Variants in FKBP5 observed in about 807,000 individuals in gnomAD.
FKBP5 encodes the protein peptidyl-prolyl cis-trans isomerase FKBP5.
Under a neutral mutation model 50.5 loss-of-function variants are expected in FKBP5, and 23 were observed. That is an observed-to-expected ratio of 0.46 (90% CI 0.33 to 0.65). The LOEUF is 0.65. FKBP5 is among the 30% of genes least tolerant of loss of function. The pLI, the probability that FKBP5 is intolerant of heterozygous loss-of-function variation, is 0.02. For synonymous variants in FKBP5, 176 were observed against 190.6 expected (o/e 0.92, Z 0.63); for missense variants, 411 against 553.1 (o/e 0.74, Z 2.58).
At chr6:35,637,252 G>T in intron 2 of FKBP5, 94 bp from the exon 3 acceptor site, 1 of 1,055,428 alleles carries the variant, frequency 9.5e-7, no homozygotes, top group Non-Finnish European at 1.4e-6. Context: ...AGACATCCAG[G>T]CAGATATGCA....
intron 3 of FKBP5, among the ~76,000 whole-genome samples, chr6:35,633,042 A>G (rs181677967): frequency 6.6e-6 from 1 of 152,298 alleles, no homozygotes; most frequent in East Asian, 1.9e-4. Flanking sequence ...ATTTTTACAG[A>G]TAGGCTCTTA....
chr6:35,590,991 A>T (rs1762803557), intron 7 of FKBP5, 139 bp downstream of exon 7: 1 of 518,674 alleles, frequency 1.9e-6, no homozygotes, highest in Non-Finnish European at 3.5e-6. Flanking sequence ...CTTCAGCAGC[A>T]GTGTTGGAGG....
chr6:35,612,416 GATCTTTTTC>G (rs1270074655), intron 5 of FKBP5, among the ~76,000 whole-genome samples: 1 of 152,004 alleles, frequency 6.6e-6, no homozygotes, highest in African/African-American at 2.4e-5. Flanking sequence ...AGGAGTCAAG[GATCTTTTTC>G]CTTAGATCAA....
chr6:35,611,601 C>T (rs1420659161), intron 5 of FKBP5, among the ~76,000 whole-genome samples: 1 of 152,104 alleles, frequency 6.6e-6, no homozygotes, highest in Non-Finnish European at 1.5e-5. Context: ...GTAGCCAAGA[C>T]CTGCAATTAA....
intron 3 of FKBP5, among the ~76,000 whole-genome samples, chr6:35,621,554 G>T (rs1426184599): frequency 6.6e-6 from 1 of 150,544 alleles, no homozygotes; most frequent in Non-Finnish European, 1.5e-5. Context: ...GGAGGCGGAG[G>T]TTGCAGTGAG....
intron 2 of FKBP5, among the ~76,000 whole-genome samples, chr6:35,696,358 A>G (rs1766081144): frequency 1.3e-5 from 2 of 151,224 alleles, no homozygotes; most frequent in African/African-American, 4.9e-5. Context: ...TGGCTCTACA[A>G]AAAATTAGCC....
At chr6:35,589,128 A>ATATATATTTT (rs1427010607) in intron 7 of FKBP5, among the ~76,000 whole-genome samples, 1 of 121,560 alleles carries the variant, frequency 8.2e-6, no homozygotes, top group African/African-American at 3.2e-5. Context: ...ATATATATAT[A>ATATATATTTT]TTTTTTTTTT....
chr6:35,677,516 T>C (rs1002927488), intron 1 of FKBP5, among the ~76,000 whole-genome samples: 23 of 152,202 alleles, frequency 1.5e-4, no homozygotes, highest in African/African-American at 5.1e-4. Context: ...ATGTGTTATA[T>C]ATACTCGGTT....
intron 2 of FKBP5, among the ~76,000 whole-genome samples, chr6:35,715,396 AG>A (rs1181303073): frequency 6.6e-6 from 1 of 152,202 alleles, no homozygotes; most frequent in African/African-American, 2.4e-5. Context: ...GGTTGTTATG[AG>A]GCTTAAACAA....
At chr6:35,715,994 G>A (rs1381042135) in intron 2 of FKBP5, among the ~76,000 whole-genome samples, 2 of 152,154 alleles carry the variant, frequency 1.3e-5, no homozygotes, top group East Asian at 1.9e-4. Context: ...TAACCCATGC[G>A]ATATGAGGAC....
intron 1 of FKBP5, among the ~76,000 whole-genome samples, chr6:35,659,017 G>A (rs1306001936): frequency 1.2e-5 from 1 of 83,820 alleles, no homozygotes; most frequent in African/African-American, 3.7e-5. Flanking sequence ...GTTGCAGTGA[G>A]CCATGATCAC....
chr6:35,584,533 C>A, intron 8 of FKBP5: 1 of 985,494 alleles, frequency 1.0e-6, no homozygotes. Context: ...GGCAGTATGG[C>A]AGATTGAAAC....
intron 5 of FKBP5, among the ~76,000 whole-genome samples, chr6:35,613,927 G>A (rs1763569454): frequency 6.6e-6 from 1 of 151,948 alleles, no homozygotes; most frequent in South Asian, 2.1e-4. Flanking sequence ...ACAGAGCCTT[G>A]TTCTGTTGCC....
In FKBP5 at chr6:35,577,139, A is replaced by G; in HGVS notation, c.1121T>C (p.Phe374Ser). ...GGGGTTTACTTCCAGCACTTTCTCA[A>G]AGTCACCCTTGGCTGACTCAAACTC... ...MNEFESAKGDFEKVLEVNPQN... is the reference protein window; with the variant it reads ...MNEFESAKGDSEKVLEVNPQN... Residue 374 changes from phenylalanine to serine, a missense_variant, in exon 10 of 11, where the codon TTT becomes TCT. Transcript: ENST00000357266. The G allele has an allele frequency of 6.2e-7, 1 of 1,614,012 alleles. No homozygotes were observed. The highest frequency in any genetic ancestry group is 8.5e-7 in the Non-Finnish European group (1 of 1,179,978).
At chr6:35,663,084 C>T (rs1226533038) in intron 1 of FKBP5, among the ~76,000 whole-genome samples, 2 of 152,116 alleles carry the variant, frequency 1.3e-5, no homozygotes, top group Non-Finnish European at 2.9e-5. Context: ...GAACACAGCA[C>T]GTTTCAAGCC....
chr6:35,692,375 G>A (rs1448079437), upstream of FKBP5, among the ~76,000 whole-genome samples: 1 of 152,154 alleles, frequency 6.6e-6, no homozygotes, highest in East Asian at 1.9e-4. Flanking sequence ...TCTCCAGGTG[G>A]CACAGCTAGG....
At chr6:35,712,051 A>G (rs2151022088) in intron 2 of FKBP5, among the ~76,000 whole-genome samples, 1 of 150,666 alleles carries the variant, frequency 6.6e-6, no homozygotes, top group Non-Finnish European at 1.5e-5. Flanking sequence ...TTAAAAAAAA[A>G]AAAAAAAAAG....
At chr6:35,713,077 TAAAAAAAAAAAAAAA>T (rs34258638) in intron 2 of FKBP5, among the ~76,000 whole-genome samples, 1 of 52,948 alleles carries the variant, frequency 1.9e-5, no homozygotes, top group Admixed American at 2.7e-4. Context: ...ATCTGGTCTC[TAAAAAAAAAAAAAAA>T]AAAAAAAAAA....
chr6:35,671,516 G>A (rs562203009), intron 1 of FKBP5, among the ~76,000 whole-genome samples: 39 of 152,014 alleles, frequency 2.6e-4, no homozygotes, highest in Admixed American at 1.9e-3. Context: ...TAAAGGGAAG[G>A]AACAAGGTAG....
Sources: allele counts gnomAD v4.1 joint callset (sites outside exome capture counted in the v4.1 genomes callset), GRCh38; gene constraint gnomAD v4.1.1; transcripts MANE v1.5; gene names NCBI Gene and HGNC (gene_info 2026-07-23, HGNC 2026-07-21).